KLHL6: variants seen among roughly 807,000 people sequenced by gnomAD.
KLHL6 encodes the protein kelch-like protein 6.
In KLHL6, 41 loss-of-function variants were observed where a neutral mutation model predicts 58.6. The ratio of observed to expected loss-of-function variants is 0.70; its 90% CI spans 0.55 to 0.91. KLHL6 has a LOEUF of 0.91. Ranked by LOEUF, KLHL6 falls within the 40% of genes least tolerant of loss-of-function variation. KLHL6 has a pLI of 0.00. For synonymous variants in KLHL6, 338 were observed against 322.7 expected (o/e 1.05, Z -0.51); for missense variants, 714 against 805.6 (o/e 0.89, Z 1.38).
intron 1 of KLHL6, among the ~76,000 whole-genome samples, chr3:183,541,329 G>A (rs1712544943): frequency 1.3e-5 from 2 of 152,214 alleles, no homozygotes; most frequent in Admixed American, 1.3e-4. Flanking sequence ...ACAGAAGACA[G>A]GAGCTCCTCC....
In KLHL6 at chr3:183,491,915, C is replaced by T; in HGVS notation, c.*12G>A. On this transcript the variant is annotated 3_prime_UTR_variant, in exon 7 of 7. Transcript: ENST00000341319. Reference sequence around the variant, plus strand: ...GAGGGTCGGGGGGGCTCTCCAGCTCCCCATCCTGCCGTCAGACAGACACTG... The same window carrying T: ...GAGGGTCGGGGGGGCTCTCCAGCTCTCCATCCTGCCGTCAGACAGACACTG... 4.8e-6 allele frequency: 7 copies of T among 1,466,466 alleles called. No homozygotes were observed. The highest frequency in any genetic ancestry group is 6.3e-6 in the Non-Finnish European group (7 of 1,104,860). The allele number at this position is 1,466,466 out of a possible 1,614,324, so 90.8% of individuals were successfully genotyped here.
chr3:183,492,561 C>T lies in KLHL6; in HGVS notation c.1497G>A (p.Lys499=). The T allele has an allele frequency of 6.2e-7, 1 of 1,614,228 alleles. No homozygotes were observed. The highest frequency in any genetic ancestry group is 8.5e-7 in the Non-Finnish European group (1 of 1,180,036). The part of the protein sequence containing the change: ...YDPSTNKWSL[K]AAMPVEAKCI... Reference sequence around the variant, plus strand: ...ATTTAGCCTCCACGGGCATGGCCGCCTTCAAACTCCACTTGTTGGTGGAAG... The same window carrying T: ...ATTTAGCCTCCACGGGCATGGCCGCTTTCAAACTCCACTTGTTGGTGGAAG... The change falls in exon 6 of 7, where the codon AAG becomes AAA. Residue 499 remains lysine, a synonymous_variant. Coordinates refer to ENST00000341319, the MANE Select transcript of KLHL6 (RefSeq NM_130446.4). This position sits in a 1 kb window ranked among gnomAD's most constrained non-coding sequence, Gnocchi z 5.9.
intron 1 of KLHL6, among the ~76,000 whole-genome samples, chr3:183,536,191 A>G (rs758019544): frequency 3.3e-5 from 5 of 152,170 alleles, no homozygotes; most frequent in Admixed American, 6.5e-5. Flanking sequence ...ACGTAAGGGA[A>G]CAGGGGGGCA....
intron 2 of KLHL6, among the ~76,000 whole-genome samples, chr3:183,511,247 C>T (rs542791751): frequency 2.6e-5 from 4 of 152,318 alleles, no homozygotes; most frequent in South Asian, 2.1e-4. Flanking sequence ...TGGACGTGCA[C>T]GTAGGCCAGA....
At position 183,488,131 on chromosome 3, in the gene KLHL6, G is replaced by A. The variant is rs1717450673; in HGVS notation, c.*3796C>T. On this transcript the variant is annotated 3_prime_UTR_variant, in exon 7 of 7. Coordinates refer to ENST00000341319, the MANE Select transcript of KLHL6 (RefSeq NM_130446.4). ...CCAGAATAGATGAAAGCTAAGACGAGAACATGAATCTGTTGGTGTTCTGAT... is the reference window on the plus strand; with the variant it reads ...CCAGAATAGATGAAAGCTAAGACGAAAACATGAATCTGTTGGTGTTCTGAT... The A allele has an allele frequency of 6.6e-6, 1 of 152,242 alleles. No homozygotes were observed. Among genetic ancestry groups the A allele is most frequent in the Non-Finnish European group, 1.5e-5 (1 of 68,058 alleles). The allele number at this position is 152,242 out of a possible 1,614,324, so 9.4% of individuals were successfully genotyped here.
intron 1 of KLHL6, among the ~76,000 whole-genome samples, chr3:183,537,562 C>CGGT (rs1712406792): frequency 6.6e-6 from 1 of 152,180 alleles, no homozygotes; most frequent in African/African-American, 2.4e-5. Flanking sequence ...AACACTTGGG[C>CGGT]GGTGAGTCAG....
Position 183,555,508 on chromosome 3 carries a change from A to G in KLHL6, c.146T>C (p.Phe49Ser), listed in dbSNP as rs886389116. ...VEILNGEKVK[F>S]DDAGLSLILQ... Reference sequence around the variant, plus strand: ...AATTAAGGAGAGTCCCGCGTCGTCAAATTTGACCTTTTCCCCATTTAAGAT... The same window carrying G: ...AATTAAGGAGAGTCCCGCGTCGTCAGATTTGACCTTTTCCCCATTTAAGAT... The change falls in exon 1 of 7, where the codon TTT becomes TCT. Residue 49 changes from phenylalanine (F) to serine (S), a missense_variant. This residue lies in a region of KLHL6 where 204 missense variants were observed against 175.9 expected (regional missense o/e 1.16). Coordinates refer to ENST00000341319, the MANE Select transcript of KLHL6 (RefSeq NM_130446.4). 6 of 1,613,944 alleles carry G rather than the reference A, an allele frequency of 3.7e-6. No individual in the cohort carries two copies. In the Admixed American group the frequency reaches 5.0e-5, roughly 13 times the overall value.
chr3:183,540,985 T>C (rs1712533444), intron 1 of KLHL6, among the ~76,000 whole-genome samples: 1 of 152,122 alleles, frequency 6.6e-6, no homozygotes, highest in African/African-American at 2.4e-5. Context: ...ATGACCCTCT[T>C]TTTCCACTTT....
At position 183,489,339 on chromosome 3, in the gene KLHL6, T is replaced by C. The variant is rs1717480822; in HGVS notation, c.*2588A>G. 6.6e-6 allele frequency: 1 copy of C among 151,784 alleles called. No homozygotes were observed. The highest frequency in any genetic ancestry group is 6.6e-5 in the Admixed American group (1 of 15,238). 9.4% of individuals were successfully genotyped at this position (151,784 alleles called of 1,614,324 possible). ...CTCAAAGAGACAAACATGTAAGCCA[T>C]GGCCACTGGTTGACTTCACTGCACA... On this transcript the variant is annotated 3_prime_UTR_variant, in exon 7 of 7. Transcript: ENST00000341319.
chr3:183,532,593 AT>A (rs1284225119), intron 1 of KLHL6, among the ~76,000 whole-genome samples: 1 of 152,232 alleles, frequency 6.6e-6, no homozygotes, highest in Non-Finnish European at 1.5e-5. Flanking sequence ...AAATTCTGAA[AT>A]GTGAAGATTA....
chr3:183,517,380 G>T (rs140164298), intron 2 of KLHL6, among the ~76,000 whole-genome samples: 2 of 152,042 alleles, frequency 1.3e-5, no homozygotes, highest in African/African-American at 4.8e-5. Context: ...CCCCTCTCCC[G>T]GGCGATGCTC....
chr3:183,537,475 T>C (rs1443807109), intron 1 of KLHL6, among the ~76,000 whole-genome samples: 2 of 152,206 alleles, frequency 1.3e-5, no homozygotes, highest in African/African-American at 2.4e-5. Context: ...TCTCATGAGA[T>C]TGTTGTAAAA....
At chr3:183,528,961 G>A (rs907410352) in intron 1 of KLHL6, among the ~76,000 whole-genome samples, 17 of 152,134 alleles carry the variant, frequency 1.1e-4, no homozygotes, top group Non-Finnish European at 1.3e-4. Context: ...GGAATACTAC[G>A]CAGCCATAAA....
At chr3:183,503,733 C>T (rs1460649553) in intron 3 of KLHL6, among the ~76,000 whole-genome samples, 17 of 152,174 alleles carry the variant, frequency 1.1e-4, no homozygotes, top group East Asian at 1.9e-4. Context: ...GAGCCGAGAT[C>T]GCACCATTGC....
intron 1 of KLHL6, among the ~76,000 whole-genome samples, chr3:183,543,871 C>A (rs1033271434): frequency 2.0e-5 from 3 of 152,034 alleles, no homozygotes; most frequent in Non-Finnish European, 4.4e-5. Flanking sequence ...TGTTTTAAAG[C>A]CGTAGCACCA....
chr3:183,545,162 T>C (rs1261020776), intron 1 of KLHL6, among the ~76,000 whole-genome samples: 2 of 152,202 alleles, frequency 1.3e-5, no homozygotes, highest in African/African-American at 2.4e-5. Context: ...TCCTATGATT[T>C]GATAATGTGA....
Position 183,492,669 on chromosome 3 carries a change from G to T in KLHL6, c.1389C>A (p.Ala463=), listed in dbSNP as rs143318148. The part of the protein sequence containing the change: ...PLLVHVSSFA[A]TSHKKKLYVI... ...CATACAGCTTCTTCTTATGGCTGGT[G>T]GCTGCAAAGGAACTGACATGGACAA... Residue 463 remains alanine, a synonymous_variant, in exon 6 of 7, where the codon GCC becomes GCA. Coordinates refer to ENST00000341319, the MANE Select transcript of KLHL6 (RefSeq NM_130446.4). The surrounding 1 kb of genome is among the most constrained non-coding windows in gnomAD (Gnocchi z 5.9). 3.7e-5 allele frequency: 60 copies of T among 1,613,772 alleles called. No individual in the cohort carries two copies. Among genetic ancestry groups the T allele is most frequent in the Non-Finnish European group, 4.7e-5 (56 of 1,180,036 alleles).
intron 1 of KLHL6, among the ~76,000 whole-genome samples, chr3:183,548,513 T>C (rs1712801683): frequency 6.6e-6 from 1 of 152,214 alleles, no homozygotes; most frequent in Non-Finnish European, 1.5e-5. Flanking sequence ...CCGCAGTCTC[T>C]AGGTCTGGTT....
intron 2 of KLHL6, among the ~76,000 whole-genome samples, chr3:183,519,767 A>G (rs1711683826): frequency 6.6e-6 from 1 of 151,694 alleles, no homozygotes; most frequent in Non-Finnish European, 1.5e-5. Context: ...ATAGTGGTGC[A>G]TGGCTATATT....
Sources: gnomAD v4.1 joint callset for allele counts (sites outside exome capture counted in the v4.1 genomes callset) on GRCh38, gnomAD v4.1.1 for gene constraint, gnomAD v4.1.1 regional missense constraint, Gnocchi (gnomAD v3.1) non-coding constraint, MANE v1.5 for transcripts, NCBI Gene and HGNC (gene_info 2026-07-23, HGNC 2026-07-21) for gene names.